The following ZC3H14 variants were observed in gnomAD, a reference collection of about 807,000 sequenced individuals.
ZC3H14 encodes zinc finger CCCH domain-containing protein 14.
ZC3H14 carries 31 observed loss-of-function variants against 92.4 expected under a neutral mutation model. The observed-to-expected ratio is 0.34, with a 90% CI of 0.25 to 0.45. ZC3H14 has a LOEUF of 0.45. Among genes scored for constraint, ZC3H14 ranks in the 20% least tolerant of loss-of-function variants. ZC3H14 has a pLI of 1.00. For synonymous variants in ZC3H14, 321 were observed against 300.9 expected, an observed-to-expected ratio of 1.07 and a Z score of -0.69; for missense variants, 781 against 897.3, an observed-to-expected ratio of 0.87 and a Z score of 1.66.
At chr14:88,609,547 GT>G in intron 14 of ZC3H14, 144 bp downstream of exon 14, 1 of 1,384,946 alleles carries the variant, frequency 7.2e-7, no homozygotes, top group Non-Finnish European at 1.0e-6. Context: ...TAAAGAGCAA[GT>G]GTGCCTATCT....
chr14:88,593,993 C>G (rs922241073), intron 9 of ZC3H14, among the ~76,000 whole-genome samples: 1 of 152,052 alleles, frequency 6.6e-6, no homozygotes, highest in Admixed American at 6.6e-5. Context: ...ATTTCCCCAT[C>G]CTTAAGTTTA....
chr14:88,613,443 A>G lies in ZC3H14; in HGVS notation c.*1692A>G, dbSNP rs1341029466. ...CAGTTTCACTATAAATTATAGAACA[A>G]ATGGGAAACAAGGGTTTAATTTAGT... On this transcript the variant is annotated 3_prime_UTR_variant, in exon 17 of 17. Transcript: ENST00000251038. The G allele has an allele frequency of 6.6e-6, 1 of 152,210 alleles. No homozygotes were observed. Among genetic ancestry groups the G allele is most frequent in the Non-Finnish European group, 1.5e-5 (1 of 68,034 alleles). 9.4% of individuals were successfully genotyped at this position (152,210 alleles called of 1,614,324 possible).
chr14:88,568,349 A>G (rs528931117), intron 3 of ZC3H14, among the ~76,000 whole-genome samples, 196 bp downstream of exon 3: 9 of 152,332 alleles, frequency 5.9e-5, no homozygotes, highest in Admixed American at 5.2e-4. Flanking sequence ...GTAATTTCTA[A>G]AAGAAAGAGG....
intron 1 of ZC3H14, 128 bp from the exon 2 acceptor site, chr14:88,563,523 T>C (rs2139410879): frequency 1.9e-6 from 3 of 1,571,660 alleles, no homozygotes; most frequent in African/African-American, 1.3e-5. Flanking sequence ...CAGGCGAGGC[T>C]CCTCCCAGCC....
intron 13 of ZC3H14, 70 bp downstream of exon 13, chr14:88,607,433 C>G: frequency 6.5e-7 from 1 of 1,536,036 alleles, no homozygotes; most frequent in South Asian, 1.1e-5. Flanking sequence ...CAAGTACCAT[C>G]CCCCATCTCA....
rs2087253999 is a variant in ZC3H14 at position 88,614,229 on chromosome 14, C to CT, written c.*2479dup. 1 of 152,190 alleles carries CT rather than the reference C, an allele frequency of 6.6e-6. No homozygotes were observed. The highest frequency in any genetic ancestry group is 2.1e-4 in the South Asian group (1 of 4,824). 9.4% of individuals were successfully genotyped at this position (152,190 alleles called of 1,614,324 possible). The stretch of plus-strand genomic sequence containing the variant: ...TTTTTTTCCTCCTTTAATTTATTGA[C>CT]TGACTGTAAATACATGAGTAGAAAC... On this transcript the variant is annotated 3_prime_UTR_variant, in exon 17 of 17. Transcript: ENST00000251038.
intron 15 of ZC3H14, among the ~76,000 whole-genome samples, chr14:88,610,459 T>A (rs2086423393): frequency 6.6e-6 from 1 of 152,134 alleles, no homozygotes; most frequent in Non-Finnish European, 1.5e-5. Flanking sequence ...TCCTTATAGA[T>A]GGAATCTCTT....
Position 88,612,026 on chromosome 14 carries a change from A to G in ZC3H14, c.*275A>G. On this transcript the variant is annotated 3_prime_UTR_variant, in exon 17 of 17. Transcript: ENST00000251038. ...TAAAATATTTGGGGCATGTTTGTGC[A>G]CTGCTGTTGTGAGGATCAGCATATG... The G allele has an allele frequency of 2.0e-6, 1 of 494,130 alleles. No homozygotes were observed. The highest frequency in any genetic ancestry group is 3.6e-6 in the Non-Finnish European group (1 of 275,464). 30.6% of individuals were successfully genotyped at this position (494,130 alleles called of 1,614,324 possible).
Position 88,572,820 on chromosome 14 carries a change from G to A in ZC3H14, c.674G>A (p.Ser225Asn), listed in dbSNP as rs748629866. ...CCACCTGCAAGTAGAAATGCAGATAGTGGTGTTCATTTAAACAGGTTGCAA... is the reference window on the plus strand; with the variant it reads ...CCACCTGCAAGTAGAAATGCAGATAATGGTGTTCATTTAAACAGGTTGCAA... ...YRPPASRNAD[S>N]GVHLNRLQFQ... is the part of the protein sequence containing the mutation. Residue 225 changes from serine to asparagine, a missense_variant, in exon 6 of 17, where the codon AGT (serine) becomes AAT (asparagine). Ser to Asn is a conservative substitution (Grantham distance 46). Coordinates refer to ENST00000251038, the MANE Select transcript of ZC3H14 (RefSeq NM_024824.5). The A allele has an allele frequency of 2.5e-6, 4 of 1,614,204 alleles. No individual in the cohort carries two copies. The highest frequency in any genetic ancestry group is 2.5e-6 in the Non-Finnish European group (3 of 1,180,040).
chr14:88,594,604 G>A, intron 9 of ZC3H14: 1 of 1,582,390 alleles, frequency 6.3e-7, no homozygotes, highest in Non-Finnish European at 8.5e-7. Context: ...TACGTCTTAA[G>A]GTAACAGCCT....
chr14:88,581,670 G>C (rs756396659), intron 9 of ZC3H14, among the ~76,000 whole-genome samples: 3 of 152,198 alleles, frequency 2.0e-5, no homozygotes, highest in Non-Finnish European at 4.4e-5. Flanking sequence ...CAACATCCCA[G>C]ATAGCAAAGA....
chr14:88,602,681 G>A (rs2084817609), intron 11 of ZC3H14, 147 bp from the exon 12 acceptor site: 2 of 787,888 alleles, frequency 2.5e-6, no homozygotes, highest in African/African-American at 1.7e-5. Context: ...ACCCACCAGT[G>A]CTGCACCTGG....
At chr14:88,580,601 TAC>T (rs1450014477) in intron 9 of ZC3H14, among the ~76,000 whole-genome samples, 1 of 152,102 alleles carries the variant, frequency 6.6e-6, no homozygotes, top group African/African-American at 2.4e-5. Flanking sequence ...GCAATAGAAA[TAC>T]AGTGTTTTTA....
rs1237521916 is a variant in ZC3H14, at chr14:88,618,858, TATAA to T, written c.*7111_*7114del. The T allele has an allele frequency of 1.3e-6, 2 of 1,502,208 alleles. No homozygotes were observed. The highest frequency in any genetic ancestry group is 2.8e-5 in the African/African-American group (2 of 71,114). The allele number at this position is 1,502,208 out of a possible 1,614,324, so 93.1% of individuals were successfully genotyped here. A position where few individuals can be genotyped will look rare whatever the true frequency, so the allele number is the denominator to read the frequency against. On this transcript the variant is annotated 3_prime_UTR_variant, in exon 17 of 17. Coordinates refer to ENST00000251038, the MANE Select transcript of ZC3H14 (RefSeq NM_024824.5). Reference sequence around the variant, plus strand: ...AAAAGTATTAGACCACATGAAGTATTATAAATACTTAAGATCAGTGACTTTTCCT... The same window carrying T: ...AAAAGTATTAGACCACATGAAGTATTATACTTAAGATCAGTGACTTTTCCT...
rs2089631297 is a variant in ZC3H14, at chr14:88,624,622, A to G, written c.*12871A>G. The G allele has an allele frequency of 4.8e-6, 1 of 209,458 alleles. No individual in the cohort carries two copies. Among genetic ancestry groups the G allele is most frequent in the Admixed American group, 5.4e-5 (1 of 18,390 alleles). 13.0% of individuals were successfully genotyped at this position (209,458 alleles called of 1,614,324 possible). Reference sequence around the variant, plus strand: ...TAGAATCCATTCTGAACAAAAAGAGAGCAGGCAGTCAAAATACAACCCTGG... The same window carrying G: ...TAGAATCCATTCTGAACAAAAAGAGGGCAGGCAGTCAAAATACAACCCTGG... On this transcript the variant is annotated 3_prime_UTR_variant, in exon 17 of 17. Transcript: ENST00000251038.
intron 13 of ZC3H14, chr14:88,609,028 G>A (rs559368401): frequency 3.0e-4 from 153 of 515,540 alleles, no homozygotes; most frequent in Middle Eastern, 5.3e-4. Flanking sequence ...ACAAAAGCTT[G>A]TCTTTCTTGG....
At chr14:88,573,397 C>G (rs1054884913) in intron 6 of ZC3H14, among the ~76,000 whole-genome samples, 1 of 151,560 alleles carries the variant, frequency 6.6e-6, no homozygotes, top group Non-Finnish European at 1.5e-5. Context: ...AAAGAAAAAA[C>G]AAAAAACAAA....
At chr14:88,582,544 T>TTTTTATA (rs2082021264) in intron 9 of ZC3H14, among the ~76,000 whole-genome samples, 1 of 152,208 alleles carries the variant, frequency 6.6e-6, no homozygotes, top group Admixed American at 6.5e-5. Context: ...CACATAGTGG[T>TTTTTATA]TGCTTTTGAA....
chr14:88,605,246 A>G (rs1004566020), intron 12 of ZC3H14, among the ~76,000 whole-genome samples: 3 of 152,238 alleles, frequency 2.0e-5, no homozygotes, highest in Admixed American at 1.3e-4. Context: ...GGATGACACA[A>G]AAAACCTGTA....
Sources: gnomAD v4.1 joint callset for allele counts (sites outside exome capture counted in the v4.1 genomes callset) on GRCh38, gnomAD v4.1.1 for gene constraint, MANE v1.5 for transcripts, NCBI Gene and HGNC (gene_info 2026-07-23, HGNC 2026-07-21) for gene names.